The following PDE1C variants were observed in gnomAD, a reference collection of about 807,000 sequenced individuals.
PDE1C encodes phosphodiesterase 1C.
In PDE1C, 62 loss-of-function variants were observed where a neutral mutation model predicts 93.1. The observed-to-expected ratio is 0.67, with a 90% CI of 0.54 to 0.82. The LOEUF (loss-of-function observed/expected upper bound fraction) is 0.82, where lower values mean the gene tolerates loss of function less well. Ranked by LOEUF, PDE1C falls within the 40% of genes least tolerant of loss-of-function variation. The pLI, the probability that PDE1C is intolerant of heterozygous loss-of-function variation, is 0.00. For synonymous variants in PDE1C, 325 were observed against 310.1 expected, an observed-to-expected ratio of 1.05 and a Z score of -0.50; for missense variants, 742 against 884.6, an observed-to-expected ratio of 0.84 and a Z score of 2.04.
At chr7:31,793,595 G>T (rs150196689) in intron 16 of PDE1C, among the ~76,000 whole-genome samples, 1 of 149,642 alleles carries the variant, frequency 6.7e-6, no homozygotes. Flanking sequence ...AGAAAAAAAC[G>T]AATGAAGAAT....
intron 2 of PDE1C, among the ~76,000 whole-genome samples, chr7:31,980,191 C>G (rs375969402): frequency 6.6e-6 from 1 of 152,076 alleles, no homozygotes; most frequent in South Asian, 2.1e-4. Flanking sequence ...CAGCACAAAG[C>G]GGGCCAGGTC....
chr7:32,111,638 C>G (rs1000452093), intron 3 of PDE1C, among the ~76,000 whole-genome samples: 5 of 152,104 alleles, frequency 3.3e-5, no homozygotes, highest in Admixed American at 6.6e-5. Context: ...CAGGAGACCT[C>G]TGGACCATAG....
At chr7:31,738,076 C>T in the PDE1C span, among the ~76,000 whole-genome samples, 1 of 152,134 alleles carries the variant, frequency 6.6e-6, no homozygotes, top group East Asian at 1.9e-4. Flanking sequence ...TGCCCCAGTG[C>T]TGGCATCAGC....
chr7:32,089,962 A>G (rs1797374416), intron 3 of PDE1C, among the ~76,000 whole-genome samples: 1 of 152,200 alleles, frequency 6.6e-6, no homozygotes, highest in Non-Finnish European at 1.5e-5. Flanking sequence ...CAGGACAAAA[A>G]TAGTTTCTTG....
chr7:31,843,238 C>T (rs1425290338), intron 9 of PDE1C, among the ~76,000 whole-genome samples: 1 of 151,844 alleles, frequency 6.6e-6, no homozygotes, highest in Admixed American at 6.6e-5. Flanking sequence ...TGTTCAAATC[C>T]TCTTAGGTCC....
At chr7:31,839,603 G>A (rs867445144) in intron 9 of PDE1C, among the ~76,000 whole-genome samples, 7 of 152,148 alleles carry the variant, frequency 4.6e-5, no homozygotes, top group Admixed American at 6.5e-5. Context: ...CAAGTTATTA[G>A]ATTCTAGTTT....
intron 7 of PDE1C, among the ~76,000 whole-genome samples, chr7:31,859,451 AATATAAAT>A: frequency 1.2e-5 from 1 of 81,900 alleles, no homozygotes; most frequent in Non-Finnish European, 3.2e-5. Context: ...TAACTTTAAT[AATATAAAT>A]AATATAAAGT....
chr7:31,958,870 G>A (rs1252535607), intron 2 of PDE1C, among the ~76,000 whole-genome samples: 1 of 152,156 alleles, frequency 6.6e-6, no homozygotes, highest in Non-Finnish European at 1.5e-5. Context: ...ATACTATACA[G>A]ATAATTGTAA....
chr7:32,115,207 A>G (rs975871141), intron 3 of PDE1C, among the ~76,000 whole-genome samples: 2 of 152,202 alleles, frequency 1.3e-5, no homozygotes, highest in Non-Finnish European at 2.9e-5. Context: ...AAGACATGGA[A>G]TCAACCCAAA....
chr7:31,692,798 A>G, the PDE1C span, among the ~76,000 whole-genome samples: 1 of 152,250 alleles, frequency 6.6e-6, no homozygotes, highest in African/African-American at 2.4e-5. Context: ...TGGGTCTGAC[A>G]GAGTCCCAGG....
At chr7:32,167,286 G>T (rs1802354406) in intron 3 of PDE1C, among the ~76,000 whole-genome samples, 1 of 152,146 alleles carries the variant, frequency 6.6e-6, no homozygotes, top group Non-Finnish European at 1.5e-5. Flanking sequence ...GTATATATTT[G>T]CCTCCACCTT....
At chr7:32,109,740 G>C (rs763615186) in intron 3 of PDE1C, among the ~76,000 whole-genome samples, 1 of 151,818 alleles carries the variant, frequency 6.6e-6, no homozygotes, top group Non-Finnish European at 1.5e-5. Flanking sequence ...CTCTCTGCTT[G>C]GTAGAATAAC....
chr7:32,042,918 A>G (rs1792037311), intron 2 of PDE1C, among the ~76,000 whole-genome samples: 1 of 152,240 alleles, frequency 6.6e-6, no homozygotes, highest in Non-Finnish European at 1.5e-5. Context: ...CTCAGATTGA[A>G]TCTCATCTCT....
At chr7:31,700,663 T>C in the PDE1C span, among the ~76,000 whole-genome samples, 47 of 152,316 alleles carry the variant, frequency 3.1e-4, 1 homozygote, top group South Asian at 9.1e-3. Context: ...GAGATGTCAA[T>C]GCCTGGCTTC....
chr7:31,735,398 CAAAAAAAAAAAAAAAAAA>C, the PDE1C span, among the ~76,000 whole-genome samples: 1 of 142,904 alleles, frequency 7.0e-6, no homozygotes, highest in Non-Finnish European at 1.5e-5. Context: ...AACTCTGTCT[CAAAAAAAAAAAAAAAAAA>C]AAAAAAAAAA....
intron 1 of PDE1C, among the ~76,000 whole-genome samples, chr7:32,382,091 A>G (rs1212699801): frequency 1.3e-5 from 2 of 151,368 alleles, no homozygotes; most frequent in African/African-American, 4.8e-5. Context: ...TTTGCCCAAG[A>G]TCTCACATCT....
intron 1 of PDE1C, among the ~76,000 whole-genome samples, chr7:32,325,972 A>G (rs554898536): frequency 1.3e-5 from 2 of 152,194 alleles, no homozygotes; most frequent in Admixed American, 1.3e-4. Flanking sequence ...GGAGAAGTGG[A>G]GGTGGTTGGA....
At chr7:31,791,321 T>C (rs1312274823) in intron 16 of PDE1C, among the ~76,000 whole-genome samples, 1 of 152,058 alleles carries the variant, frequency 6.6e-6, no homozygotes, top group African/African-American at 2.4e-5. Flanking sequence ...CCTTCACCCA[T>C]TTGAGAGAAA....
At chr7:31,975,440 G>A (rs1002519494) in intron 2 of PDE1C, among the ~76,000 whole-genome samples, 3 of 152,124 alleles carry the variant, frequency 2.0e-5, no homozygotes, top group Non-Finnish European at 4.4e-5. Context: ...AAGCAAGAGT[G>A]TATTGAGACT....
Sources: gnomAD v4.1 joint callset for allele counts (sites outside exome capture counted in the v4.1 genomes callset) on GRCh38, gnomAD v4.1.1 for gene constraint, MANE v1.5 for transcripts, NCBI Gene and HGNC (gene_info 2026-07-23, HGNC 2026-07-21) for gene names.